Variants in DAB1 observed in about 807,000 individuals in gnomAD.
DAB1 encodes the protein disabled homolog 1.
In DAB1, 15 loss-of-function variants were observed where a neutral mutation model predicts 64.6. The observed-to-expected ratio is 0.23, with a 90% confidence interval of 0.16 to 0.36. The LOEUF is 0.36. Ranked by LOEUF, DAB1 falls within the 10% of genes least tolerant of loss-of-function variation. The pLI is 1.00. For missense variants in DAB1, 596 were observed against 706.7 expected (o/e 0.84, Z 1.78); for synonymous variants, 235 against 251.9 (o/e 0.93, Z 0.64).
chr1:57,671,559 T>G (rs1486762897), intron 6 of DAB1, among the ~76,000 whole-genome samples: 1 of 152,116 alleles, frequency 6.6e-6, no homozygotes, highest in Non-Finnish European at 1.5e-5. Context: ...CATGTGACCT[T>G]TCACGAGGTG....
intron 2 of DAB1, among the ~76,000 whole-genome samples, chr1:57,280,391 A>C (rs966348100): frequency 6.6e-6 from 1 of 152,202 alleles, no homozygotes; most frequent in Non-Finnish European, 1.5e-5. Flanking sequence ...CTGAAATCTC[A>C]GCACACCTGG....
intron 5 of DAB1, among the ~76,000 whole-genome samples, chr1:57,933,105 G>T (rs1443912512): frequency 2.6e-5 from 4 of 152,210 alleles, no homozygotes; most frequent in Non-Finnish European, 4.4e-5. Flanking sequence ...ACCCACAAAG[G>T]TGTGGAGTCT....
At chr1:58,369,026 C>G (rs1644240986) in intron 3 of DAB1, among the ~76,000 whole-genome samples, 1 of 152,122 alleles carries the variant, frequency 6.6e-6, no homozygotes, top group African/African-American at 2.4e-5. Flanking sequence ...AAAAAAGTAG[C>G]CTTCAACCAA....
intron 3 of DAB1, among the ~76,000 whole-genome samples, chr1:58,416,050 C>T (rs1465455024): frequency 1.3e-5 from 2 of 152,084 alleles, no homozygotes; most frequent in Non-Finnish European, 2.9e-5. Flanking sequence ...GCCCATATCC[C>T]CTCAGAGAAA....
intron 3 of DAB1, among the ~76,000 whole-genome samples, chr1:58,367,753 C>T (rs915760080): frequency 1.3e-5 from 2 of 152,128 alleles, no homozygotes; most frequent in Non-Finnish European, 2.9e-5. Context: ...TGGAACTAGG[C>T]GTCCATTTTA....
At chr1:58,073,605 C>T (rs77321606) in intron 5 of DAB1, among the ~76,000 whole-genome samples, 13,673 of 152,186 alleles carry the variant, frequency 0.09, 890 homozygotes, top group African/African-American at 0.18. Context: ...AAATGTTGAC[C>T]ATATTGGATG....
intron 3 of DAB1, among the ~76,000 whole-genome samples, chr1:58,418,363 G>A (rs28602995): frequency 0.15 from 23,043 of 151,922 alleles, 2,253 homozygotes; most frequent in Middle Eastern, 0.22. Context: ...TGTCAGCCTC[G>A]ATCACACTCC....
intron 9 of DAB1, among the ~76,000 whole-genome samples, chr1:57,057,278 G>A (rs1032580938): frequency 7.2e-5 from 11 of 152,176 alleles, no homozygotes. Context: ...CAGTTCAGTA[G>A]TGATTTCATA....
At chr1:57,813,557 A>C (rs890368062) in intron 6 of DAB1, among the ~76,000 whole-genome samples, 2 of 152,210 alleles carry the variant, frequency 1.3e-5, no homozygotes, top group Admixed American at 1.3e-4. Context: ...TCATTGCGCT[A>C]ACCCATGGGA....
chr1:57,176,262 A>G (rs1662302834), intron 2 of DAB1, among the ~76,000 whole-genome samples: 1 of 152,126 alleles, frequency 6.6e-6, no homozygotes, highest in Non-Finnish European at 1.5e-5. Context: ...GCAATTTACA[A>G]TTGAAAGAGG....
chr1:57,620,012 A>C (rs1022882028), intron 7 of DAB1, among the ~76,000 whole-genome samples: 5 of 152,174 alleles, frequency 3.3e-5, no homozygotes, highest in African/African-American at 1.2e-4. Context: ...CATTTGACAC[A>C]TCCCAGAATC....
chr1:57,235,649 C>A (rs973322432), intron 2 of DAB1, among the ~76,000 whole-genome samples: 1 of 148,342 alleles, frequency 6.7e-6, no homozygotes, highest in Non-Finnish European at 1.5e-5. Context: ...AGAACAGAGA[C>A]AAAGCTTGAA....
chr1:57,625,127 C>T (rs1645907259), intron 7 of DAB1, among the ~76,000 whole-genome samples: 1 of 152,152 alleles, frequency 6.6e-6, no homozygotes, highest in African/African-American at 2.4e-5. Context: ...CCACAACAAC[C>T]TTCTCTCCCA....
intron 1 of DAB1, among the ~76,000 whole-genome samples, chr1:57,348,259 A>T (rs1049688568): frequency 1.3e-5 from 2 of 152,136 alleles, no homozygotes; most frequent in Admixed American, 6.5e-5. Flanking sequence ...CTGCTGTAGG[A>T]GACAGATCAC....
intron 9 of DAB1, among the ~76,000 whole-genome samples, chr1:57,055,288 G>A (rs994601750): frequency 6.6e-6 from 1 of 152,186 alleles, no homozygotes; most frequent in African/African-American, 2.4e-5. Context: ...AAGGGTGCAG[G>A]AGAGAAGCAT....
chr1:57,083,860 G>A (rs564260133), intron 4 of DAB1, among the ~76,000 whole-genome samples: 31 of 152,170 alleles, frequency 2.0e-4, no homozygotes, highest in Non-Finnish European at 4.3e-4. Context: ...TGCTACTTTC[G>A]TTAACTTGGA....
At chr1:57,967,617 G>A (rs80264542) in intron 5 of DAB1, among the ~76,000 whole-genome samples, 1,789 of 152,270 alleles carry the variant, frequency 0.012, 36 homozygotes, top group African/African-American at 0.041. Flanking sequence ...GTGGTTAAGC[G>A]TGCAGCTCTA....
exon 2 of DAB1, chr1:58,527,270 A>T (rs761318149): frequency 1.1e-6 from 1 of 872,326 alleles, no homozygotes; most frequent in Non-Finnish European, 2.0e-6. Flanking sequence ...CCTTTGCAGC[A>T]AGCAGTAGTC....
chr1:57,964,491 G>A (rs1186517551), intron 5 of DAB1, among the ~76,000 whole-genome samples: 6 of 152,140 alleles, frequency 3.9e-5, no homozygotes, highest in Non-Finnish European at 2.9e-5. Flanking sequence ...TACCAAGTAC[G>A]TAAGATCAAG....
Sources: gnomAD v4.1 joint callset for allele counts (sites outside exome capture counted in the v4.1 genomes callset) on GRCh38, gnomAD v4.1.1 for gene constraint, MANE v1.5 for transcripts, NCBI Gene and HGNC (gene_info 2026-07-23, HGNC 2026-07-21) for gene names.